The following NOVA1 variants were observed in gnomAD, a reference collection of about 807,000 sequenced individuals.
NOVA1 encodes the protein RNA-binding protein Nova-1.
In NOVA1, 7 loss-of-function variants were observed where a neutral mutation model predicts 38.0. The ratio of observed to expected loss-of-function variants is 0.18; its 90% CI spans 0.10 to 0.35. The LOEUF (loss-of-function observed/expected upper bound fraction) is 0.35. NOVA1 is among the 10% of genes least tolerant of loss of function. NOVA1 has a pLI of 1.00. For synonymous variants in NOVA1, 270 were observed against 232.5 expected (o/e 1.16, Z -1.47); for missense variants, 460 against 616.0 (o/e 0.75, Z 2.68).
chr14:26,583,445 T>G (rs1893336457), intron 2 of NOVA1, among the ~76,000 whole-genome samples: 1 of 151,588 alleles, frequency 6.6e-6, no homozygotes, highest in Non-Finnish European at 1.5e-5. Flanking sequence ...CTGGTATTAC[T>G]GAATTATGAA....
intron 2 of NOVA1, chr14:26,594,194 T>C (rs956279037): frequency 3.3e-5 from 5 of 151,954 alleles, no homozygotes; most frequent in Admixed American, 3.3e-4. Flanking sequence ...ATATATTACT[T>C]TTTAGTTTAA....
At chr14:26,561,608 C>A (rs571384316) in intron 2 of NOVA1, among the ~76,000 whole-genome samples, 1 of 152,226 alleles carries the variant, frequency 6.6e-6, no homozygotes, top group African/African-American at 2.4e-5. Flanking sequence ...TTACACAAAA[C>A]AGAGGTGACT....
intron 2 of NOVA1, among the ~76,000 whole-genome samples, chr14:26,515,526 G>A (rs1455319581): frequency 1.3e-5 from 2 of 151,862 alleles, no homozygotes; most frequent in South Asian, 4.1e-4. Context: ...CAAATACTTT[G>A]TTTAATAAAA....
chr14:26,484,360 C>G (rs966562332), intron 2 of NOVA1, among the ~76,000 whole-genome samples: 1 of 135,518 alleles, frequency 7.4e-6, no homozygotes, highest in Non-Finnish European at 1.5e-5. Context: ...GACGCGAACC[C>G]GTGAGGCGGA....
At position 26,448,843 on chromosome 14, in the gene NOVA1, T is replaced by C; in HGVS notation, c.640A>G (p.Ile214Val). Residue 214 changes from isoleucine to valine, a missense_variant, in exon 5 of 5, where the codon ATC (isoleucine) becomes GTC (valine). By Grantham distance (29) the Ile-to-Val change is conservative. Coordinates refer to ENST00000539517, the MANE Select transcript of NOVA1 (RefSeq NM_002515.3). The surrounding 1 kb of genome is among the most constrained non-coding windows in gnomAD (Gnocchi z 5.3). ...WVQLSQKPDG[I>V]NLQERVVTVS... ...GTGACAACCCTCTCTTGCAAGTTGA[T>C]CCCATCAGGTTTCTGGGAAAGCTGC... 1 of 1,614,082 alleles carries C rather than the reference T, an allele frequency of 6.2e-7. No individual in the cohort carries two copies.
chr14:26,519,677 T>G (rs1172120277), intron 2 of NOVA1: 1 of 152,178 alleles, frequency 6.6e-6, no homozygotes, highest in African/African-American at 2.4e-5. Flanking sequence ...TTGAATTGTT[T>G]TTTTGGTAAT....
chr14:26,465,078 G>C (rs1020276954), intron 4 of NOVA1, among the ~76,000 whole-genome samples: 2 of 152,090 alleles, frequency 1.3e-5, no homozygotes, highest in Non-Finnish European at 2.9e-5. Context: ...TGGATGTCAC[G>C]ATATTTCTAG....
At position 26,448,375 on chromosome 14, in the gene NOVA1, A is replaced by G. The variant is rs1594308652; in HGVS notation, c.1108T>C (p.Ser370Pro). Residue 370 changes from serine to proline, a missense_variant, in exon 5 of 5, where the codon TCA becomes CCA. Transcript: ENST00000539517. The surrounding 1 kb of genome is among the most constrained non-coding windows in gnomAD (Gnocchi z 5.3). ...NLLATYASEA[S>P]ASGSTAGGTA... ...CCACCAGCTGTGCTGCCACTGGCTG[A>G]GGCTTCACTGGCATAGGTGGCCAAT... 6.2e-7 allele frequency: 1 copy of G among 1,613,846 alleles called. No homozygotes were observed. Among genetic ancestry groups the G allele is most frequent in the Non-Finnish European group, 8.5e-7 (1 of 1,179,972 alleles).
chr14:26,575,387 A>G (rs1037971995), intron 2 of NOVA1, among the ~76,000 whole-genome samples: 3 of 152,190 alleles, frequency 2.0e-5, no homozygotes, highest in Non-Finnish European at 4.4e-5. Flanking sequence ...GAAAGCTTTT[A>G]GCAAACCCAC....
At chr14:26,587,546 CA>C (rs914543562) in intron 2 of NOVA1, among the ~76,000 whole-genome samples, 1 of 150,216 alleles carries the variant, frequency 6.7e-6, no homozygotes, top group Admixed American at 6.7e-5. Flanking sequence ...AACCAAGTTT[CA>C]AAAAAAATTA....
At chr14:26,576,354 A>G (rs1264118069) in intron 2 of NOVA1, among the ~76,000 whole-genome samples, 2 of 151,536 alleles carry the variant, frequency 1.3e-5, no homozygotes, top group Admixed American at 1.3e-4. Flanking sequence ...TACATAGTGA[A>G]ATGATTATAA....
rs553817667 is a variant in NOVA1 at position 26,448,739 on chromosome 14, G to A, written c.744C>T (p.Gly248=). Residue 248 remains glycine (G), a synonymous_variant, in exon 5 of 5, where the codon GGC becomes GGT. Coordinates refer to ENST00000539517, the MANE Select transcript of NOVA1 (RefSeq NM_002515.3). This position sits in a 1 kb window ranked among gnomAD's most constrained non-coding sequence, Gnocchi z 5.3. ...TGGCATAACTGATATTGAGACAGCTGCCACTTTGTGGATCCTCTTGTATCT... is the reference window on the plus strand; with the variant it reads ...TGGCATAACTGATATTGAGACAGCTACCACTTTGTGGATCCTCTTGTATCT... ...IQKIQEDPQS[G]SCLNISYANV... 10 of 1,614,078 alleles carry A rather than the reference G, an allele frequency of 6.2e-6. No individual in the cohort carries two copies. The highest frequency in any genetic ancestry group is 2.2e-5 in the East Asian group (1 of 44,890).
At chr14:26,483,648 T>C (rs1473725427) in intron 2 of NOVA1, among the ~76,000 whole-genome samples, 3 of 152,178 alleles carry the variant, frequency 2.0e-5, no homozygotes, top group Admixed American at 1.3e-4. Flanking sequence ...GAACCAATTA[T>C]GATGTACCTA....
chr14:26,522,197 C>G (rs1888949606), intron 2 of NOVA1, among the ~76,000 whole-genome samples: 1 of 151,948 alleles, frequency 6.6e-6, no homozygotes, highest in Non-Finnish European at 1.5e-5. Context: ...TTTAGCAGGC[C>G]ATTATATTGC....
intron 2 of NOVA1, among the ~76,000 whole-genome samples, chr14:26,548,128 A>G (rs1890916069): frequency 7.0e-6 from 1 of 143,354 alleles, no homozygotes; most frequent in Admixed American, 6.9e-5. Flanking sequence ...GACCCCCTCT[A>G]TTGATTCTAA....
chr14:26,480,781 C>T (rs1162621695), intron 2 of NOVA1, among the ~76,000 whole-genome samples: 1 of 151,964 alleles, frequency 6.6e-6, no homozygotes, highest in East Asian at 1.9e-4. Context: ...ACAATAGGTA[C>T]ACTGTAAACA....
intron 2 of NOVA1, among the ~76,000 whole-genome samples, chr14:26,520,102 A>T (rs1186824241): frequency 6.6e-6 from 1 of 152,254 alleles, no homozygotes; most frequent in Non-Finnish European, 1.5e-5. Context: ...TATTGTTGAT[A>T]CATTAACATT....
rs1229070088 is a variant in NOVA1, at chr14:26,445,965, G to A, written c.*1994C>T. On this transcript the variant is annotated 3_prime_UTR_variant, in exon 5 of 5. Coordinates refer to ENST00000539517, the MANE Select transcript of NOVA1 (RefSeq NM_002515.3). ...CGGCAATGCTAACCACTGATTCCAC[G>A]AGATACACTATTTGTCAAAACTTAC... 3 of 152,358 alleles carry A rather than the reference G, an allele frequency of 2.0e-5. No individual in the cohort carries two copies. The highest frequency in any genetic ancestry group is 7.3e-5 in the African/African-American group (3 of 41,362). 9.4% of individuals were successfully genotyped at this position (152,358 alleles called of 1,614,324 possible).
At chr14:26,528,399 A>C (rs542214284) in intron 2 of NOVA1, among the ~76,000 whole-genome samples, 1 of 152,324 alleles carries the variant, frequency 6.6e-6, no homozygotes, top group African/African-American at 2.4e-5. Context: ...ATTGTATATA[A>C]TGAAGAAACT....
Sources: gnomAD v4.1 joint callset for allele counts (sites outside exome capture counted in the v4.1 genomes callset) on GRCh38, gnomAD v4.1.1 for gene constraint, Gnocchi (gnomAD v3.1) non-coding constraint, MANE v1.5 for transcripts, NCBI Gene and HGNC (gene_info 2026-07-23, HGNC 2026-07-21) for gene names.